The following ADK variants were observed in gnomAD, a reference collection of about 807,000 sequenced individuals.
The protein encoded by ADK is adenosine kinase.
ADK carries 24 observed loss-of-function variants against 44.7 expected under a neutral mutation model. The ratio of observed to expected loss-of-function variants is 0.54; its 90% CI spans 0.39 to 0.76. ADK has a LOEUF of 0.76. Ranked by LOEUF, ADK falls within the 30% of genes least tolerant of loss-of-function variation. The pLI is 0.00. For missense variants in ADK, 321 were observed against 425.1 expected, an observed-to-expected ratio of 0.76 and a Z score of 2.15; for synonymous variants, 128 against 142.6, an observed-to-expected ratio of 0.90 and a Z score of 0.73.
chr10:74,363,356 G>A (rs897284773), intron 4 of ADK, among the ~76,000 whole-genome samples: 2 of 152,124 alleles, frequency 1.3e-5, no homozygotes, highest in South Asian at 4.1e-4. Flanking sequence ...CGCCCTGAAT[G>A]TTCCTGCACA....
In ADK at chr10:74,464,985, G is replaced by A. The variant is rs778746279; in HGVS notation, c.556-60271G>A. Among the ~76,000 whole-genome samples the A allele has an allele frequency of 3.6e-4, 54 of 152,072 alleles. 2 individuals carry two copies. The highest frequency in any genetic ancestry group is 3.2e-4 in the Non-Finnish European group (22 of 68,024). On this transcript the variant is annotated intron_variant, in intron 6 of 10. Coordinates refer to ENST00000539909, the MANE Select transcript of ADK (RefSeq NM_006721.4). ...TTCTAGGTGGTGAATTTATAGCAGCGACCAGGTAAATATTGCTGTCCTCAG... is the reference window on the plus strand; with the variant it reads ...TTCTAGGTGGTGAATTTATAGCAGCAACCAGGTAAATATTGCTGTCCTCAG...
chr10:74,443,829 G>A (rs772053522), intron 6 of ADK, among the ~76,000 whole-genome samples: 1 of 152,000 alleles, frequency 6.6e-6, no homozygotes, highest in African/African-American at 2.4e-5. Flanking sequence ...TAATATGAAA[G>A]GCATGAATTT....
chr10:74,196,184 T>C (rs745316502), intron 1 of ADK, among the ~76,000 whole-genome samples: 3 of 152,054 alleles, frequency 2.0e-5, no homozygotes, highest in Non-Finnish European at 2.9e-5. Flanking sequence ...CTTTGGACAA[T>C]TGCAGCCTAA....
At chr10:74,343,276 C>T (rs1028563515) in intron 4 of ADK, among the ~76,000 whole-genome samples, 7 of 152,088 alleles carry the variant, frequency 4.6e-5, no homozygotes, top group Admixed American at 1.3e-4. Context: ...TTTTGATTCT[C>T]CCAAAACTTG....
chr10:74,652,080 A>G (rs1346778797), intron 9 of ADK, among the ~76,000 whole-genome samples: 1 of 146,928 alleles, frequency 6.8e-6, no homozygotes, highest in Non-Finnish European at 1.5e-5. Flanking sequence ...CAGAGTATAG[A>G]TCTTGTCACT....
chr10:74,684,497 G>A (rs7071823), intron 10 of ADK, among the ~76,000 whole-genome samples: 103,121 of 152,008 alleles, frequency 0.68, 35,323 homozygotes, highest in Middle Eastern at 0.79. Context: ...TAAGCCAGGC[G>A]CAGTGGCTCA....
chr10:74,420,993 TA>T (rs1254845795), intron 6 of ADK, among the ~76,000 whole-genome samples: 7 of 152,182 alleles, frequency 4.6e-5, no homozygotes, highest in Non-Finnish European at 8.8e-5. Flanking sequence ...ATGCATTTGT[TA>T]AAGCCCAAAG....
At chr10:74,559,471 G>C (rs1337703261) in intron 7 of ADK, among the ~76,000 whole-genome samples, 2 of 152,056 alleles carry the variant, frequency 1.3e-5, no homozygotes, top group Non-Finnish European at 2.9e-5. Flanking sequence ...CTTTTATGTT[G>C]TTTTCTGGGT....
chr10:74,414,703 T>G (rs1467868551), intron 6 of ADK, among the ~76,000 whole-genome samples: 5 of 151,962 alleles, frequency 3.3e-5, no homozygotes, highest in African/African-American at 1.2e-4. Flanking sequence ...AGAGTGAGAC[T>G]CCATCTCAAA....
At chr10:74,360,249 G>A (rs1344987986) in intron 4 of ADK, among the ~76,000 whole-genome samples, 1 of 151,800 alleles carries the variant, frequency 6.6e-6, no homozygotes, top group Non-Finnish European at 1.5e-5. Context: ...TGTTTCTTAT[G>A]TATAAGAACA....
At chr10:74,217,587 C>T (rs1316558188) in intron 2 of ADK, among the ~76,000 whole-genome samples, 2 of 152,226 alleles carry the variant, frequency 1.3e-5, no homozygotes, top group Admixed American at 6.5e-5. Flanking sequence ...TCCCTGACCC[C>T]TGACCCCTGA....
chr10:74,276,119 A>AT (rs1846665903), intron 3 of ADK, among the ~76,000 whole-genome samples: 2 of 152,174 alleles, frequency 1.3e-5, no homozygotes, highest in African/African-American at 4.8e-5. Flanking sequence ...TATATTACAC[A>AT]TATGTTTACC....
intron 10 of ADK, among the ~76,000 whole-genome samples, chr10:74,687,034 C>T (rs568548776): frequency 1.3e-5 from 2 of 152,206 alleles, no homozygotes; most frequent in South Asian, 4.1e-4. Flanking sequence ...ATAATGAGTA[C>T]CTATCTCATT....
At chr10:74,322,368 T>C (rs1592045079) in intron 4 of ADK, among the ~76,000 whole-genome samples, 2 of 152,326 alleles carry the variant, frequency 1.3e-5, no homozygotes, top group South Asian at 4.1e-4. Context: ...ATTCTTTGTG[T>C]CATTGAAGAA....
intron 3 of ADK, among the ~76,000 whole-genome samples, chr10:74,294,735 A>T (rs1002178249): frequency 2.6e-5 from 4 of 152,222 alleles, no homozygotes; most frequent in Non-Finnish European, 4.4e-5. Context: ...GACCATGACC[A>T]CTAATAAAGT....
chr10:74,331,964 C>G (rs1014757627), intron 4 of ADK, among the ~76,000 whole-genome samples: 9 of 152,184 alleles, frequency 5.9e-5, no homozygotes, highest in African/African-American at 1.9e-4. Flanking sequence ...AGGAATCCTC[C>G]TGCTTCAGTC....
intron 3 of ADK, among the ~76,000 whole-genome samples, chr10:74,280,913 A>ATTAAGTTGT (rs1347445491): frequency 6.6e-6 from 1 of 152,212 alleles, no homozygotes; most frequent in Non-Finnish European, 1.5e-5. Flanking sequence ...TAGATGCAAA[A>ATTAAGTTGT]TTAAGTTGTC....
At position 74,569,486 on chromosome 10, in the gene ADK, G is replaced by A. The variant is rs562729966; in HGVS notation, c.727-19796G>A. 5.7e-3 allele frequency among the ~76,000 whole-genome samples: 866 copies of A among 152,274 alleles called. 6 individuals are homozygous for A. Among genetic ancestry groups the A allele is most frequent in the African/African-American group, 0.02 (820 of 41,538 alleles). On this transcript the variant is annotated intron_variant, in intron 7 of 10. Coordinates refer to ENST00000539909, the MANE Select transcript of ADK (RefSeq NM_006721.4). ...TCGCCATTCTAACTGGTGTGAGATG[G>A]TATCTCATTGTGGTTTTGATTTGCA...
intron 6 of ADK, among the ~76,000 whole-genome samples, chr10:74,413,436 G>A (rs369565473): frequency 6.6e-6 from 1 of 152,136 alleles, no homozygotes; most frequent in African/African-American, 2.4e-5. Context: ...ATTTTACCTT[G>A]CACTTTTATG....
Sources: gnomAD v4.1 joint callset for allele counts (sites outside exome capture counted in the v4.1 genomes callset) on GRCh38, gnomAD v4.1.1 for gene constraint, MANE v1.5 for transcripts, NCBI Gene and HGNC (gene_info 2026-07-23, HGNC 2026-07-21) for gene names.